ACBD4: variants seen among roughly 807,000 people sequenced by gnomAD.
ACBD4 encodes acyl-CoA binding domain containing 4.
Under a neutral mutation model 46.0 loss-of-function variants are expected in ACBD4, and 41 were observed. That is an observed-to-expected ratio of 0.89 (90% CI 0.69 to 1.16). ACBD4 has a LOEUF of 1.16. Ranked by LOEUF, ACBD4 falls within the 50% of genes most tolerant of loss-of-function variation. The pLI is 0.00. For synonymous variants in ACBD4, 162 were observed against 155.9 expected (o/e 1.04, Z -0.29); for missense variants, 393 against 399.5 (o/e 0.98, Z 0.14).
intron 2 of ACBD4, 101 bp downstream of exon 2, chr17:45,136,333 C>A: frequency 1.3e-6 from 2 of 1,537,802 alleles, no homozygotes; most frequent in Non-Finnish European, 1.8e-6. Context: ...TGCAGACAAG[C>A]CCCTGCCTGG....
upstream of ACBD4, among the ~76,000 whole-genome samples, chr17:45,131,636 A>T (rs957112913): frequency 3.3e-5 from 5 of 152,074 alleles, no homozygotes; most frequent in African/African-American, 1.2e-4. Flanking sequence ...TGTGTAACCC[A>T]CCCAGTGCCA....
At chr17:45,143,408 G>A in intron 9 of ACBD4, 35 bp from the exon 10 acceptor site, 1 of 1,566,266 alleles carries the variant, frequency 6.4e-7, no homozygotes, top group Non-Finnish European at 8.6e-7. Flanking sequence ...GCTGAGGCCT[G>A]GACTGGCCTC....
chr17:45,143,207 G>A (rs952421484), intron 9 of ACBD4, among the ~76,000 whole-genome samples: 2 of 152,198 alleles, frequency 1.3e-5, no homozygotes, highest in Admixed American at 6.5e-5. Flanking sequence ...CATGGAAGCC[G>A]CTCCCTCTAC....
Position 45,137,842 on chromosome 17 carries a change from C to A in ACBD4, c.573+12C>A. 6.2e-7 allele frequency: 1 copy of A among 1,612,862 alleles called. No homozygotes were observed. Among genetic ancestry groups the A allele is most frequent in the Non-Finnish European group, 8.5e-7 (1 of 1,178,942 alleles). Reference sequence around the variant, plus strand: ...TGGAGCCTGAGCTGGTGAGCCCAGTCCCCATTCCCCCCTTTTCCCACCCCA... The same window carrying A: ...TGGAGCCTGAGCTGGTGAGCCCAGTACCCATTCCCCCCTTTTCCCACCCCA... On this transcript the variant is annotated intron_variant, in intron 7 of 9. Transcript: ENST00000321854.
rs1567912479 is a variant in ACBD4 at position 45,143,661 on chromosome 17, CCCCGT to C, written c.*93_*97del. The C allele has an allele frequency of 2.5e-6, 4 of 1,605,454 alleles. No homozygotes were observed. The South Asian group carries it at 3.3e-5, about 13-fold the overall frequency. ...GTTTAGAAGAACAGCATTCAAAATT[CCCCGT>C]CCTGTCAGTGTTTGCCTTCGCACCT... On this transcript the variant is annotated 3_prime_UTR_variant, in exon 10 of 10. Transcript: ENST00000321854.
Position 45,137,764 on chromosome 17 carries a change from C to T in ACBD4, c.507C>T (p.Ser169=), listed in dbSNP as rs2054957763. ...ACTCTACCAACCCCTCCACAGAGTC[C>T]CATTCACCCAGGGACCTGGACTCCG... ...PKEPAPPSPE[S]HSPRDLDSEV... is the part of the protein sequence containing the mutation. The change falls in exon 7 of 10, where the codon TCC becomes TCT. Residue 169 remains serine (S), a synonymous_variant. Coordinates refer to ENST00000321854, the MANE Select transcript of ACBD4 (RefSeq NM_001135705.3). 6.2e-7 allele frequency: 1 copy of T among 1,614,014 alleles called. No individual in the cohort carries two copies. Among genetic ancestry groups the T allele is most frequent in the Middle Eastern group, 1.7e-4 (1 of 6,060 alleles).
intron 9 of ACBD4, among the ~76,000 whole-genome samples, chr17:45,141,247 C>T (rs918141619): frequency 2.0e-5 from 3 of 150,714 alleles, no homozygotes; most frequent in African/African-American, 2.5e-5. Flanking sequence ...CCCAGTCCTT[C>T]TCCTTGCTAT....
upstream of ACBD4, among the ~76,000 whole-genome samples, chr17:45,133,531 T>C (rs1050370880): frequency 5.6e-5 from 7 of 125,078 alleles, 1 homozygote; most frequent in South Asian, 2.8e-4. Flanking sequence ...TTTTTTTTTT[T>C]TTTTTTTTTT....
chr17:45,136,817 G>T (rs756960185), intron 4 of ACBD4, 41 bp downstream of exon 4: 11 of 1,611,108 alleles, frequency 6.8e-6, no homozygotes, highest in Middle Eastern at 2.2e-4. Flanking sequence ...TCCTGGCCAG[G>T]TGGCCTCACC....
At chr17:45,138,926 C>T (rs2143841919) in intron 8 of ACBD4, 95 bp from the exon 9 acceptor site, 12 of 1,383,302 alleles carry the variant, frequency 8.7e-6, no homozygotes, top group Non-Finnish European at 1.1e-5. Flanking sequence ...GGGTTCCACT[C>T]CTACACTTTC....
At position 45,137,092 on chromosome 17, in the gene ACBD4, T is replaced by C. The variant is rs764099889; in HGVS notation, c.368T>C (p.Ile123Thr). ...FGYFEPLYQV[I>T]PDMPRPPETF... Reference sequence around the variant, plus strand: ...TACTTCGAGCCCCTGTACCAGGTGATCCCTGACATGCCGAGGCCCCCAGAG... The same window carrying C: ...TACTTCGAGCCCCTGTACCAGGTGACCCCTGACATGCCGAGGCCCCCAGAG... The change falls in exon 5 of 10, where the codon ATC becomes ACC. Residue 123 changes from isoleucine (I) to threonine (T), a missense_variant. By Grantham distance (89) the Ile-to-Thr change is moderately conservative. Coordinates refer to ENST00000321854, the MANE Select transcript of ACBD4 (RefSeq NM_001135705.3). 8 of 1,614,070 alleles carry C rather than the reference T, an allele frequency of 5.0e-6. No homozygotes were observed. In the East Asian group the frequency reaches 1.8e-4, roughly 36 times the overall value.
intron 8 of ACBD4, chr17:45,138,376 G>T: frequency 3.3e-6 from 1 of 305,378 alleles, no homozygotes; most frequent in Non-Finnish European, 6.2e-6. Flanking sequence ...AACTCCTGTT[G>T]TGTGTCAGGT....
Position 45,137,449 on chromosome 17 carries a change from G to A in ACBD4, c.497G>A (p.Ser166Asn). 1 of 1,614,026 alleles carries A rather than the reference G, an allele frequency of 6.2e-7. No individual in the cohort carries two copies. Among genetic ancestry groups the A allele is most frequent in the South Asian group, 1.1e-5 (1 of 91,080 alleles). Residue 166 changes from serine (S) to asparagine (N), a missense_variant, in exon 6 of 10, where the codon AGC becomes AAC. Ser to Asn is a conservative substitution (Grantham distance 46, BLOSUM62 1). This residue lies in a region of ACBD4 where 308 missense variants were observed against 301.8 expected (regional missense o/e 1.02). Coordinates refer to ENST00000321854, the MANE Select transcript of ACBD4 (RefSeq NM_001135705.3). ...PCLPKEPAPP[S>N]PESHSPRDLD... ...CTCCCCAAGGAACCGGCACCCCCAA[G>A]CCCAGGTTAGTGCTTGAGCAGGAGG...
At chr17:45,132,333 G>C (rs551108215), upstream of ACBD4, 1,388 of 1,235,984 alleles carry the variant, frequency 1.1e-3, 20 homozygotes, top group African/African-American at 0.016. This position sits in a 1 kb window ranked among gnomAD's most constrained non-coding sequence, Gnocchi z 4.6. Context: ...CCGGCGCCGC[G>C]ACTTGGGCTG....
At position 45,141,155 on chromosome 17, in the gene ACBD4, AC is replaced by A. The variant is rs140995072; in HGVS notation, c.789+1997del. Among the ~76,000 whole-genome samples the A allele has an allele frequency of 1.5e-3, 233 of 152,358 alleles. 5 individuals carry two copies. In the East Asian group the frequency reaches 0.04, roughly 26 times the overall value. ...TTCCAGTTTCTCCAGTTATCCTGAA[AC>A]CGCCTTTTCCAGCTGCTCTGTTTTT... On this transcript the variant is annotated intron_variant, in intron 9 of 9. Transcript: ENST00000321854.
In ACBD4 at chr17:45,137,358, G is replaced by A; in HGVS notation, c.416-10G>A. On this transcript the variant is annotated splice_polypyrimidine_tract_variant and intron_variant, in intron 5 of 9. Transcript: ENST00000321854. Reference sequence around the variant, plus strand: ...CCCCAGGCCCACCTCTGGGTGCTGTGTCTTGGCAGGTTGGAAAGAGCAGGT... The same window carrying A: ...CCCCAGGCCCACCTCTGGGTGCTGTATCTTGGCAGGTTGGAAAGAGCAGGT... 6.2e-7 allele frequency: 1 copy of A among 1,614,132 alleles called. No homozygotes were observed. The highest frequency in any genetic ancestry group is 8.5e-7 in the Non-Finnish European group (1 of 1,180,014).
Position 45,143,548 on chromosome 17 carries a change from A to G in ACBD4, c.895A>G (p.Met299Val). Residue 299 changes from methionine to valine, a missense_variant, in exon 10 of 10, where the codon ATG becomes GTG. This residue lies in a region of ACBD4 where 308 missense variants were observed against 301.8 expected (regional missense o/e 1.02). Coordinates refer to ENST00000321854, the MANE Select transcript of ACBD4 (RefSeq NM_001135705.3). ...WPFVVQWLFR[M>V]FRTQKR ...CTTCGTCGTCCAGTGGCTCTTCCGA[A>G]TGTTTCGGACCCAAAAGAGGTGACT... The G allele has an allele frequency of 6.2e-7, 1 of 1,614,036 alleles. No homozygotes were observed. Among genetic ancestry groups the G allele is most frequent in the Non-Finnish European group, 8.5e-7 (1 of 1,179,992 alleles).
upstream of ACBD4, chr17:45,132,449 C>A (rs924064104): frequency 2.3e-5 from 27 of 1,165,312 alleles, no homozygotes; most frequent in Non-Finnish European, 2.8e-5. This position sits in a 1 kb window ranked among gnomAD's most constrained non-coding sequence, Gnocchi z 4.6. Context: ...GGGGTCTGCA[C>A]GCGGGGACAG....
intron 7 of ACBD4, 30 bp downstream of exon 7, chr17:45,137,860 C>G: frequency 6.2e-7 from 1 of 1,612,216 alleles, no homozygotes; most frequent in Non-Finnish European, 8.5e-7. Flanking sequence ...CCCCCTTTTC[C>G]CACCCCACTG....
Sources: allele counts gnomAD v4.1 joint callset (sites outside exome capture counted in the v4.1 genomes callset), GRCh38; gene constraint gnomAD v4.1.1; regional missense constraint gnomAD v4.1.1; non-coding constraint Gnocchi (gnomAD v3.1); transcripts MANE v1.5; gene names NCBI Gene and HGNC (gene_info 2026-07-23, HGNC 2026-07-21).